SCD5: variants seen among roughly 807,000 people sequenced by gnomAD.
The protein encoded by SCD5 is stearoyl-CoA desaturase 5, also known as acyl-CoA-desaturase 4.
Under a neutral mutation model 30.4 loss-of-function variants are expected in SCD5, and 20 were observed. That is an observed-to-expected ratio of 0.66 (90% CI 0.46 to 0.96). SCD5 has a LOEUF of 0.96. Ranked by LOEUF, SCD5 falls within the 40% of genes least tolerant of loss-of-function variation. SCD5 has a pLI of 0.00. For missense variants in SCD5, 381 were observed against 443.3 expected, an observed-to-expected ratio of 0.86 and a Z score of 1.26; for synonymous variants, 173 against 176.4, an observed-to-expected ratio of 0.98 and a Z score of 0.16.
chr4:82,747,798 G>A (rs1206390690), intron 1 of SCD5, among the ~76,000 whole-genome samples: 1 of 152,154 alleles, frequency 6.6e-6, no homozygotes, highest in African/African-American at 2.4e-5. Flanking sequence ...CTTCATTCCT[G>A]CCACTGGCAC....
intron 1 of SCD5, among the ~76,000 whole-genome samples, chr4:82,741,459 C>T (rs10019894): frequency 0.016 from 2,436 of 152,282 alleles, 65 homozygotes; most frequent in African/African-American, 0.052. Flanking sequence ...GCCCAACCAA[C>T]AGTCAGTGCC....
At chr4:82,753,564 T>C (rs1185204838) in intron 1 of SCD5, 4 of 403,086 alleles carry the variant, frequency 9.9e-6, no homozygotes, top group Non-Finnish European at 2.1e-5. Context: ...CAGGTTAGAA[T>C]GTTCATAGGG....
At position 82,665,027 on chromosome 4, in the gene SCD5, T is replaced by TAG. The variant is rs1560527961; in HGVS notation, c.569+15679_569+15680insCT. On this transcript the variant is annotated intron_variant, in intron 3 of 4. Transcript: ENST00000319540. Reference sequence around the variant, plus strand: ...TATATATATATATATATATGTATAATACACACACACACACACACATATATA... The same window carrying TAG: ...TATATATATATATATATATGTATAATAGACACACACACACACACACATATATA... Among the ~76,000 whole-genome samples the TAG allele has an allele frequency of 1.8e-4, 6 of 32,798 alleles. 1 individual carries two copies. In the East Asian group the frequency reaches 0.023, roughly 125 times the overall value. 21.5% of individuals were successfully genotyped at this position (32,798 alleles called of 152,430 possible). A position where few individuals can be genotyped will look rare whatever the true frequency, so the allele number is the denominator to read the frequency against.
intron 3 of SCD5, among the ~76,000 whole-genome samples, chr4:82,677,339 C>T (rs1728458806): frequency 6.6e-6 from 1 of 152,150 alleles, no homozygotes; most frequent in Admixed American, 6.5e-5. Flanking sequence ...CTGAAATGAC[C>T]CAAGTCTGGG....
At chr4:82,685,046 A>T (rs1728670997) in intron 2 of SCD5, among the ~76,000 whole-genome samples, 1 of 152,250 alleles carries the variant, frequency 6.6e-6, no homozygotes, top group African/African-American at 2.4e-5. Context: ...TAGAGTTTAT[A>T]CTGAATTGTA....
intron 3 of SCD5, among the ~76,000 whole-genome samples, chr4:82,667,014 AC>A (rs1728204201): frequency 6.6e-6 from 1 of 152,242 alleles, no homozygotes; most frequent in Non-Finnish European, 1.5e-5. Flanking sequence ...ATTATTGGCT[AC>A]TGAAGTGAAT....
At chr4:82,782,428 C>T (rs1345670961) in intron 1 of SCD5, among the ~76,000 whole-genome samples, 1 of 152,080 alleles carries the variant, frequency 6.6e-6, no homozygotes, top group Admixed American at 6.6e-5. Flanking sequence ...CATAGCAGGG[C>T]TGGTCCTTCC....
intron 1 of SCD5, among the ~76,000 whole-genome samples, chr4:82,711,316 T>C (rs946166259): frequency 4.0e-5 from 6 of 149,898 alleles, no homozygotes; most frequent in African/African-American, 1.2e-4. Flanking sequence ...TTTTGAGACA[T>C]TATTGGGTGT....
intron 1 of SCD5, among the ~76,000 whole-genome samples, chr4:82,786,707 G>A (rs538544234): frequency 2.0e-5 from 3 of 150,492 alleles, no homozygotes; most frequent in Admixed American, 6.7e-5. Context: ...CAGGAGAATC[G>A]CTTGAACCCA....
Position 82,798,435 on chromosome 4 carries a change from T to A in SCD5, c.103A>T (p.Arg35Trp). The A allele has an allele frequency of 1.2e-6, 2 of 1,613,068 alleles. No individual in the cohort carries two copies. Among genetic ancestry groups the A allele is most frequent in the Non-Finnish European group, 1.7e-6 (2 of 1,179,608 alleles). Residue 35 changes from arginine to tryptophan, a missense_variant, in exon 1 of 5, where the codon AGG (arginine) becomes TGG (tryptophan). Coordinates refer to ENST00000319540, the MANE Select transcript of SCD5 (RefSeq NM_001037582.3). ...ESSEGGGGPE[R>W]PGARGQRQNI... ...TGCCGCTGCCCGCGCGCGCCTGGCCTCTCCGGGCCGCCGCCGCCCTCAGAG... is the reference window on the plus strand; with the variant it reads ...TGCCGCTGCCCGCGCGCGCCTGGCCACTCCGGGCCGCCGCCGCCCTCAGAG...
intron 1 of SCD5, among the ~76,000 whole-genome samples, chr4:82,784,452 C>A (rs1418772336): frequency 6.6e-6 from 1 of 152,162 alleles, no homozygotes; most frequent in African/African-American, 2.4e-5. Context: ...GCAATTTTAT[C>A]TTTATGGTGT....
At chr4:82,730,826 C>CA (rs1720627033) in intron 1 of SCD5, among the ~76,000 whole-genome samples, 3 of 152,108 alleles carry the variant, frequency 2.0e-5, no homozygotes, top group Non-Finnish European at 4.4e-5. Context: ...CCTCGTAATC[C>CA]GCTTGCCTCG....
At chr4:82,704,300 C>G (rs1007667927) in intron 2 of SCD5, among the ~76,000 whole-genome samples, 3 of 152,204 alleles carry the variant, frequency 2.0e-5, no homozygotes, top group Non-Finnish European at 2.9e-5. Flanking sequence ...ACCCGTCTCC[C>G]TGGACTCTAG....
intron 3 of SCD5, among the ~76,000 whole-genome samples, chr4:82,646,436 G>T (rs895557653): frequency 1.3e-5 from 2 of 152,190 alleles, no homozygotes; most frequent in African/African-American, 4.8e-5. Flanking sequence ...CCATTTTGGG[G>T]TAGCTCTGTG....
intron 2 of SCD5, among the ~76,000 whole-genome samples, chr4:82,682,874 GGT>G (rs1488200483): frequency 6.6e-6 from 1 of 152,100 alleles, no homozygotes; most frequent in Non-Finnish European, 1.5e-5. Context: ...GGAGTACAGT[GGT>G]GTGATCTTCG....
At chr4:82,767,552 T>C (rs1473808056) in intron 1 of SCD5, among the ~76,000 whole-genome samples, 1 of 152,162 alleles carries the variant, frequency 6.6e-6, no homozygotes, top group Non-Finnish European at 1.5e-5. Flanking sequence ...TTTCACATAT[T>C]TTGTCTAGTT....
At chr4:82,796,119 A>T (rs549459068) in intron 1 of SCD5, among the ~76,000 whole-genome samples, 1 of 151,944 alleles carries the variant, frequency 6.6e-6, no homozygotes, top group South Asian at 2.1e-4. Context: ...AAATACAAAA[A>T]ATTAGCCGGG....
Position 82,798,383 on chromosome 4 carries a change from A to C in SCD5, c.155T>G (p.Leu52Arg). 6.2e-7 allele frequency: 1 copy of C among 1,613,488 alleles called. No individual in the cohort carries two copies. Among genetic ancestry groups the C allele is most frequent in the Non-Finnish European group, 8.5e-7 (1 of 1,179,664 alleles). Residue 52 changes from leucine (L) to arginine (R), a missense_variant, in exon 1 of 5, where the codon CTG becomes CGG. Transcript: ENST00000319540. The part of the protein sequence containing the change: ...RQNIVWRNVV[L>R]MSLLHLGAVY... ...GGCCCCCAAGTGGAGCAAGCTCATC[A>C]GGACGACATTCCTCCAGACGATGTT...
chr4:82,712,286 A>T (rs1208338998), intron 1 of SCD5, among the ~76,000 whole-genome samples: 3 of 39,824 alleles, frequency 7.5e-5, no homozygotes, highest in African/African-American at 2.8e-4. Flanking sequence ...ATATATATAT[A>T]TATATATATA....
Sources: allele counts gnomAD v4.1 joint callset (sites outside exome capture counted in the v4.1 genomes callset), GRCh38; gene constraint gnomAD v4.1.1; transcripts MANE v1.5; gene names NCBI Gene and HGNC (gene_info 2026-07-23, HGNC 2026-07-21).